IPO5: variants seen among roughly 807,000 people sequenced by gnomAD.
IPO5 encodes the protein importin-5.
IPO5 carries 18 observed loss-of-function variants against 143.3 expected under a neutral mutation model. The ratio of observed to expected loss-of-function variants is 0.13; its 90% CI spans 0.09 to 0.19. IPO5 has a LOEUF of 0.19. Among genes scored for constraint, IPO5 ranks in the 10% least tolerant of loss-of-function variants. The pLI is 1.00. For missense variants in IPO5, 1,013 were observed against 1,336.9 expected (o/e 0.76, Z 3.78); for synonymous variants, 477 against 465.7 (o/e 1.02, Z -0.31).
intron 27 of IPO5, among the ~76,000 whole-genome samples, chr13:98,020,147 G>C (rs1890381448): frequency 6.6e-6 from 1 of 152,174 alleles, no homozygotes; most frequent in Admixed American, 6.5e-5. Flanking sequence ...GGCCTCAAGA[G>C]ATCCTCCCAC....
intron 2 of IPO5, among the ~76,000 whole-genome samples, chr13:97,961,900 G>A (rs1594009780): frequency 6.6e-6 from 1 of 152,182 alleles, no homozygotes; most frequent in South Asian, 2.1e-4. Flanking sequence ...AGACCAAAGT[G>A]AGTGGATCAC....
rs200673089 is a variant in IPO5 at position 97,993,237 on chromosome 13, G to A, written c.913+12G>A. The A allele has an allele frequency of 2.5e-5, 41 of 1,611,730 alleles. No individual in the cohort carries two copies. In the Middle Eastern group the frequency reaches 4.9e-4, roughly 19 times the overall value. ...TGTTGCACAGACTAGTAAGTCAATGGTCTTCAGATAGTTTATGTGTATTGT... is the reference window on the plus strand; with the variant it reads ...TGTTGCACAGACTAGTAAGTCAATGATCTTCAGATAGTTTATGTGTATTGT... On this transcript the variant is annotated intron_variant, in intron 11 of 28. Coordinates refer to ENST00000651721, the MANE Select transcript of IPO5 (RefSeq NM_002271.6).
intron 3 of IPO5, among the ~76,000 whole-genome samples, chr13:97,971,728 C>T (rs1885840566): frequency 6.6e-6 from 1 of 152,052 alleles, no homozygotes; most frequent in African/African-American, 2.4e-5. Context: ...GTAGGAGGAT[C>T]GCTTGAGCCC....
intron 18 of IPO5, 88 bp downstream of exon 18, chr13:98,008,230 G>A: frequency 1.3e-6 from 1 of 768,272 alleles, no homozygotes; most frequent in Non-Finnish European, 2.2e-6. Flanking sequence ...AGGAGTGATA[G>A]GTTTCTTGAC....
rs138029586 is a variant in IPO5, at chr13:97,954,824, G to C, written c.-113+626G>C. ...TTTTGCTTTCTTCCGTCATTTGTCT[G>C]TGATGGAACCTCAAAGACACTAACT... is the stretch of plus-strand genomic sequence containing the variant. On this transcript the variant is annotated intron_variant, in intron 2 of 28. Coordinates refer to ENST00000651721, the MANE Select transcript of IPO5 (RefSeq NM_002271.6). Among the ~76,000 whole-genome samples, 11 of 152,266 alleles carry C rather than the reference G, an allele frequency of 7.2e-5. No individual in the cohort carries two copies. The East Asian group carries it at 2.1e-3, about 29-fold the overall frequency.
intron 17 of IPO5, 145 bp downstream of exon 17, chr13:98,006,493 G>A (rs555399475): frequency 4.2e-4 from 232 of 550,330 alleles, no homozygotes; most frequent in Middle Eastern, 2.1e-3. Flanking sequence ...TCCTGCCTCA[G>A]CCTCCCGAGT....
chr13:98,019,680 T>C lies in IPO5; in HGVS notation c.2936T>C (p.Ile979Thr). Residue 979 changes from isoleucine (I) to threonine (T), a missense_variant, in exon 27 of 29, where the codon ATC (isoleucine) becomes ACC (threonine). Physicochemically the swap from Ile to Thr is moderately conservative, Grantham distance 89. Around this residue, in one of 2 missense-constraint regions of IPO5, gnomAD observed 685 missense variants for 994.9 expected, o/e 0.69. Transcript: ENST00000651721. ...TENCISAVGK[I>T]MKFKPDCVNV... ...AACTGCATCTCAGCAGTAGGGAAAA[T>C]CATGAAGTTCAAGCCTGACTGTGTA... The C allele has an allele frequency of 6.2e-7, 1 of 1,614,006 alleles. No individual in the cohort carries two copies. The highest frequency in any genetic ancestry group is 8.5e-7 in the Non-Finnish European group (1 of 1,179,934).
intron 2 of IPO5, among the ~76,000 whole-genome samples, chr13:97,966,764 C>T (rs1407593343): frequency 1.4e-4 from 22 of 152,106 alleles, no homozygotes; most frequent in Admixed American, 1.2e-3. Context: ...TTCAGCTGGG[C>T]GCAGTGGCTC....
At chr13:98,016,135 C>G (rs1890107635) in intron 24 of IPO5, among the ~76,000 whole-genome samples, 1 of 152,194 alleles carries the variant, frequency 6.6e-6, no homozygotes, top group South Asian at 2.1e-4. Context: ...TAGAGTCACA[C>G]TGTTGACGGT....
chr13:98,021,254 C>A, intron 28 of IPO5, 121 bp downstream of exon 28: 1 of 825,460 alleles, frequency 1.2e-6, no homozygotes, highest in Non-Finnish European at 1.8e-6. Flanking sequence ...TTTTCATAGT[C>A]TCTTGTCTCC....
chr13:97,969,477 C>T (rs186691280), intron 2 of IPO5, among the ~76,000 whole-genome samples: 135 of 152,052 alleles, frequency 8.9e-4, no homozygotes, highest in Middle Eastern at 6.8e-3. Flanking sequence ...CCACTGCACC[C>T]GGCCTCTGCT....
At position 98,021,834 on chromosome 13, in the gene IPO5, G is replaced by A; in HGVS notation, c.*12G>A. 1 of 1,579,514 alleles carries A rather than the reference G, an allele frequency of 6.3e-7. No individual in the cohort carries two copies. Among genetic ancestry groups the A allele is most frequent in the Non-Finnish European group, 8.7e-7 (1 of 1,152,978 alleles). On this transcript the variant is annotated 3_prime_UTR_variant, in exon 29 of 29. Coordinates refer to ENST00000651721, the MANE Select transcript of IPO5 (RefSeq NM_002271.6). ...TGAACTCTGCGTGAAGGGCCTTAAT[G>A]TCACCCACCAGAAAACTAACTCCAA... is the stretch of plus-strand genomic sequence containing the variant.
intron 9 of IPO5, among the ~76,000 whole-genome samples, chr13:97,991,739 G>T (rs1180152471): frequency 6.6e-6 from 1 of 152,174 alleles, no homozygotes; most frequent in Non-Finnish European, 1.5e-5. Context: ...ACATTGGAGG[G>T]GGGGATAACA....
At chr13:98,014,888 C>G (rs899150334) in intron 22 of IPO5, among the ~76,000 whole-genome samples, 11 of 150,288 alleles carry the variant, frequency 7.3e-5, no homozygotes, top group African/African-American at 2.5e-4. Context: ...ATTGAAATAG[C>G]CTCACTTGGG....
chr13:97,998,026 A>G (rs1384108129), intron 12 of IPO5, among the ~76,000 whole-genome samples: 2 of 152,248 alleles, frequency 1.3e-5, no homozygotes, highest in Admixed American at 6.5e-5. Flanking sequence ...CCCAGGCTGG[A>G]GTGCAGTGGC....
At position 98,000,561 on chromosome 13, in the gene IPO5, G is replaced by T; in HGVS notation, c.1024G>T (p.Ala342Ser). 1.9e-6 allele frequency: 3 copies of T among 1,613,924 alleles called. No individual in the cohort carries two copies. Among genetic ancestry groups the T allele is most frequent in the Non-Finnish European group, 2.5e-6 (3 of 1,179,800 alleles). ...TAGCAATGCAGTTGCAGGCGAGAGTGCTCTAGATCGAATGGCTTGCGGACT... is the reference window on the plus strand; with the variant it reads ...TAGCAATGCAGTTGCAGGCGAGAGTTCTCTAGATCGAATGGCTTGCGGACT... The part of the protein sequence containing the change: ...FDSNAVAGES[A>S]LDRMACGLGG... The change falls in exon 13 of 29, where the codon GCT becomes TCT. Residue 342 changes from alanine (A) to serine (S), a missense_variant. Physicochemically the swap from Ala to Ser is moderately conservative, Grantham distance 99. This residue lies in a region of IPO5 where 685 missense variants were observed against 994.9 expected (regional missense o/e 0.69). Transcript: ENST00000651721.
chr13:98,018,055 TTATTG>T (rs989615176), intron 25 of IPO5, among the ~76,000 whole-genome samples: 2 of 152,238 alleles, frequency 1.3e-5, no homozygotes, highest in African/African-American at 4.8e-5. Context: ...ATTTTGCATT[TTATTG>T]TATTAAGTAG....
Position 98,015,586 on chromosome 13 carries a change from A to T in IPO5, c.2382A>T (p.Gly794=), listed in dbSNP as rs1272291163. The part of the protein sequence containing the change: ...CLNNEHFEEL[G]GILKAKLEEH... ...ATAATGAACACTTTGAAGAACTGGG[A>T]GGTATATTGAAAGCAAAGCTTGAAG... The change falls in exon 23 of 29, where the codon GGA becomes GGT. Residue 794 remains glycine (G), a synonymous_variant. Coordinates refer to ENST00000651721, the MANE Select transcript of IPO5 (RefSeq NM_002271.6). 2 of 1,612,592 alleles carry T rather than the reference A, an allele frequency of 1.2e-6. No individual in the cohort carries two copies. Among genetic ancestry groups the T allele is most frequent in the Non-Finnish European group, 1.7e-6 (2 of 1,178,910 alleles).
chr13:97,985,512 C>G lies in IPO5; in HGVS notation c.263C>G (p.Ala88Gly). 1 of 1,613,210 alleles carries G rather than the reference C, an allele frequency of 6.2e-7. No homozygotes were observed. The highest frequency in any genetic ancestry group is 1.1e-5 in the South Asian group (1 of 91,060). ...YPALPSDVQT[A>G]IKSELLMIIQ... is the part of the protein sequence containing the mutation. ...GCACTTCCCTCTGATGTTCAGACTG[C>G]CATCAAGAGTGAGCTACTCATGATT... The change falls in exon 6 of 29, where the codon GCC becomes GGC. Residue 88 changes from alanine (A) to glycine (G), a missense_variant. Physicochemically the swap from Ala to Gly is moderately conservative, Grantham distance 60. Transcript: ENST00000651721.
Sources: gnomAD v4.1 joint callset for allele counts (sites outside exome capture counted in the v4.1 genomes callset) on GRCh38, gnomAD v4.1.1 for gene constraint, gnomAD v4.1.1 regional missense constraint, MANE v1.5 for transcripts, NCBI Gene and HGNC (gene_info 2026-07-23, HGNC 2026-07-21) for gene names.